DCLK1: variants seen among roughly 807,000 people sequenced by gnomAD.
DCLK1 encodes the protein doublecortin like kinase 1.
DCLK1 carries 16 observed loss-of-function variants against 86.2 expected under a neutral mutation model. That is an observed-to-expected ratio of 0.19 (90% CI 0.13 to 0.28). The LOEUF (loss-of-function observed/expected upper bound fraction) is 0.28. Among genes scored for constraint, DCLK1 ranks in the 10% least tolerant of loss-of-function variants. The pLI is 1.00. For missense variants in DCLK1, 590 were observed against 940.2 expected (o/e 0.63, Z 4.87); for synonymous variants, 369 against 370.5 (o/e 1.00, Z 0.05).
chr13:36,005,049 TG>T (rs1417599747), intron 3 of DCLK1, among the ~76,000 whole-genome samples: 1 of 152,162 alleles, frequency 6.6e-6, no homozygotes, highest in East Asian at 1.9e-4. Flanking sequence ...ACAAAGAGAC[TG>T]GTAAGCCCAA....
intron 12 of DCLK1, 127 bp downstream of exon 12, chr13:35,810,708 A>T (rs1014215933): frequency 1.9e-5 from 23 of 1,206,276 alleles, no homozygotes; most frequent in Non-Finnish European, 2.5e-5. Flanking sequence ...ATACAATTTT[A>T]AAAAGAGTGG....
At chr13:35,986,399 C>T (rs1317693138) in intron 3 of DCLK1, among the ~76,000 whole-genome samples, 1 of 149,898 alleles carries the variant, frequency 6.7e-6, no homozygotes, top group Non-Finnish European at 1.5e-5. Context: ...AGGATCTGGT[C>T]TCAAACCCAC....
At chr13:35,978,379 T>G (rs909079594) in intron 3 of DCLK1, among the ~76,000 whole-genome samples, 1 of 151,986 alleles carries the variant, frequency 6.6e-6, no homozygotes, top group African/African-American at 2.4e-5. Flanking sequence ...CTAATTTTTG[T>G]ATTTTTAGTA....
At chr13:36,041,935 A>T (rs1194973405) in intron 3 of DCLK1, among the ~76,000 whole-genome samples, 2 of 152,312 alleles carry the variant, frequency 1.3e-5, no homozygotes, top group East Asian at 1.9e-4. Context: ...GACTCTATCT[A>T]TAAGGAATTT....
chr13:36,013,182 C>T (rs1200646894), intron 3 of DCLK1, among the ~76,000 whole-genome samples: 1 of 150,056 alleles, frequency 6.7e-6, no homozygotes. Context: ...AATGTCCTCC[C>T]GTAGCTCAGA....
At chr13:35,792,196 G>T (rs566836260) in intron 16 of DCLK1, among the ~76,000 whole-genome samples, 1 of 152,302 alleles carries the variant, frequency 6.6e-6, no homozygotes, top group African/African-American at 2.4e-5. Flanking sequence ...TTGCTCACAC[G>T]CATGTAAATC....
At chr13:35,847,108 T>A (rs1408622413) in intron 6 of DCLK1, 1 of 976,140 alleles carries the variant, frequency 1.0e-6, no homozygotes, top group Non-Finnish European at 1.2e-6. Flanking sequence ...TAGTATTCGA[T>A]CTTGTTAATA....
At chr13:35,865,758 G>C (rs1452011949) in intron 5 of DCLK1, among the ~76,000 whole-genome samples, 1 of 152,172 alleles carries the variant, frequency 6.6e-6, no homozygotes, top group African/African-American at 2.4e-5. Context: ...GTGCTATGAA[G>C]AGAAATGGGT....
intron 3 of DCLK1, among the ~76,000 whole-genome samples, chr13:36,073,819 A>G (rs1884066388): frequency 6.6e-6 from 1 of 152,186 alleles, no homozygotes; most frequent in African/African-American, 2.4e-5. Context: ...TGCAGCATAC[A>G]TCCACAAAAC....
intron 6 of DCLK1, chr13:35,848,561 T>C (rs1870381150): frequency 1.0e-6 from 1 of 985,338 alleles, no homozygotes; most frequent in Non-Finnish European, 1.2e-6. Flanking sequence ...CGGCAATTAG[T>C]ACAAGTCCAG....
At chr13:35,994,875 A>C (rs1454298910) in intron 3 of DCLK1, among the ~76,000 whole-genome samples, 1 of 152,262 alleles carries the variant, frequency 6.6e-6, no homozygotes, top group East Asian at 1.9e-4. Flanking sequence ...TAAATACCAC[A>C]ATGCATTTAA....
chr13:36,099,239 A>T (rs558716962), intron 3 of DCLK1, among the ~76,000 whole-genome samples: 11 of 152,318 alleles, frequency 7.2e-5, no homozygotes, highest in Non-Finnish European at 1.5e-4. Flanking sequence ...AAGTGCTGGG[A>T]TTACAGGCAT....
intron 3 of DCLK1, among the ~76,000 whole-genome samples, chr13:36,064,414 A>T (rs1040901853): frequency 1.3e-5 from 2 of 152,128 alleles, no homozygotes; most frequent in Non-Finnish European, 2.9e-5. Context: ...TAATCCCAGT[A>T]CTTTGGGAGG....
At chr13:35,850,945 T>C (rs1870581494) in intron 6 of DCLK1, among the ~76,000 whole-genome samples, 1 of 152,154 alleles carries the variant, frequency 6.6e-6, no homozygotes, top group African/African-American at 2.4e-5. Context: ...ACCATCTAAA[T>C]AAACAAAATG....
At chr13:36,044,559 A>G (rs568511385) in intron 3 of DCLK1, among the ~76,000 whole-genome samples, 8 of 152,324 alleles carry the variant, frequency 5.3e-5, no homozygotes, top group Admixed American at 5.2e-4. Flanking sequence ...ACATATCTCA[A>G]GAAACAGATA....
At chr13:36,091,888 A>T (rs1307700638) in intron 3 of DCLK1, among the ~76,000 whole-genome samples, 2 of 152,152 alleles carry the variant, frequency 1.3e-5, no homozygotes, top group Non-Finnish European at 2.9e-5. Context: ...CCCTGAGCAC[A>T]ACCCCTCCCC....
At position 36,072,524 on chromosome 13, in the gene DCLK1, C is replaced by G. The variant is rs1038090808; in HGVS notation, c.723+39345G>C. Among the ~76,000 whole-genome samples, 9 of 152,200 alleles carry G rather than the reference C, an allele frequency of 5.9e-5. 1 individual carries two copies. The highest frequency in any genetic ancestry group is 1.3e-4 in the Non-Finnish European group (9 of 68,036). On this transcript the variant is annotated intron_variant, in intron 3 of 16. Transcript: ENST00000360631. ...TATATCTTCAGGCCAGACTTCTTTC[C>G]TGAATTCCAGCGTTGTAGCCAACTG... is the stretch of plus-strand genomic sequence containing the variant.
chr13:36,047,561 A>G (rs971877704), intron 3 of DCLK1, among the ~76,000 whole-genome samples: 1 of 152,200 alleles, frequency 6.6e-6, no homozygotes, highest in African/African-American at 2.4e-5. Context: ...CCTGGAGGAC[A>G]TTATGCTAAG....
At chr13:35,780,480 C>G (rs986253599) in intron 16 of DCLK1, among the ~76,000 whole-genome samples, 2 of 152,150 alleles carry the variant, frequency 1.3e-5, no homozygotes, top group African/African-American at 4.8e-5. Context: ...CAAGAAATCT[C>G]TTGAGATTCT....
Sources: allele counts gnomAD v4.1 joint callset (sites outside exome capture counted in the v4.1 genomes callset), GRCh38; gene constraint gnomAD v4.1.1; transcripts MANE v1.5; gene names NCBI Gene and HGNC (gene_info 2026-07-23, HGNC 2026-07-21).